Variants in FLT1 observed in about 807,000 individuals in gnomAD.
The protein encoded by FLT1 is fms related receptor tyrosine kinase 1.
Under a neutral mutation model 156.3 loss-of-function variants are expected in FLT1, and 49 were observed. That is an observed-to-expected ratio of 0.31 (90% CI 0.25 to 0.40). The LOEUF (loss-of-function observed/expected upper bound fraction) is 0.40, where lower values mean the gene tolerates loss of function less well. Ranked by LOEUF, FLT1 falls within the 10% of genes least tolerant of loss-of-function variation. FLT1 has a pLI of 1.00. For missense variants in FLT1, 1,322 were observed against 1,637.2 expected (o/e 0.81, Z 3.32); for synonymous variants, 594 against 583.8 (o/e 1.02, Z -0.25).
chr13:28,469,650 CT>C (rs1880040279), intron 1 of FLT1, among the ~76,000 whole-genome samples: 1 of 152,230 alleles, frequency 6.6e-6, no homozygotes, highest in Admixed American at 6.5e-5. Context: ...CCTCCCCCTG[CT>C]TCTGTCAGAA....
At chr13:28,408,546 C>A (rs1211757380) in intron 10 of FLT1, among the ~76,000 whole-genome samples, 1 of 152,122 alleles carries the variant, frequency 6.6e-6, no homozygotes, top group Non-Finnish European at 1.5e-5. Context: ...TGTGCCTAAG[C>A]CTTAAGAATA....
At chr13:28,374,668 T>C (rs567747839) in intron 14 of FLT1, among the ~76,000 whole-genome samples, 1 of 151,806 alleles carries the variant, frequency 6.6e-6, no homozygotes. Context: ...CCCACTACCA[T>C]GCCCAGCTAA....
intron 14 of FLT1, among the ~76,000 whole-genome samples, chr13:28,359,137 A>T (rs778732900): frequency 6.6e-5 from 10 of 152,352 alleles, no homozygotes; most frequent in Non-Finnish European, 1.5e-4. Context: ...AAGAAAATGT[A>T]ATATTATAAA....
chr13:28,328,119 A>T (rs1361302544), intron 19 of FLT1, among the ~76,000 whole-genome samples: 1 of 152,246 alleles, frequency 6.6e-6, no homozygotes, highest in African/African-American at 2.4e-5. Flanking sequence ...CTACTACTCA[A>T]TTCTGCCTTT....
intron 13 of FLT1, chr13:28,388,803 C>G: frequency 2.8e-6 from 3 of 1,059,588 alleles, no homozygotes; most frequent in Non-Finnish European, 3.4e-6. Context: ...GATTGTGGTA[C>G]ACCTTTGAAT....
chr13:28,348,002 G>A (rs892634132), intron 15 of FLT1, among the ~76,000 whole-genome samples: 3 of 152,096 alleles, frequency 2.0e-5, no homozygotes, highest in Non-Finnish European at 2.9e-5. Flanking sequence ...CTTTACAAGC[G>A]CAGATTAATC....
chr13:28,492,450 G>T (rs1881522662), intron 1 of FLT1, among the ~76,000 whole-genome samples: 1 of 152,174 alleles, frequency 6.6e-6, no homozygotes, highest in African/African-American at 2.4e-5. Flanking sequence ...TGAATTATTG[G>T]CATCTTTTTA....
intron 14 of FLT1, among the ~76,000 whole-genome samples, chr13:28,368,969 T>A (rs1240531149): frequency 1.3e-5 from 2 of 151,958 alleles, no homozygotes; most frequent in Admixed American, 6.6e-5. Flanking sequence ...CCTCCCAAAG[T>A]GCTGGGATTA....
intron 13 of FLT1, chr13:28,385,521 T>A: frequency 9.9e-7 from 1 of 1,011,590 alleles, no homozygotes; most frequent in Non-Finnish European, 1.2e-6. Context: ...TAACCTAAGT[T>A]GTAAGGCAGC....
At chr13:28,339,062 G>T in intron 17 of FLT1, 106 bp downstream of exon 17, 1 of 1,007,760 alleles carries the variant, frequency 9.9e-7, no homozygotes, top group Non-Finnish European at 1.5e-6. Context: ...GCAGCTGGAG[G>T]GTAGAATCCC....
rs2138845587 is a variant in FLT1 at position 28,334,054 on chromosome 13, C to T, written c.2564G>A (p.Cys855Tyr). The T allele has an allele frequency of 6.2e-7, 1 of 1,613,218 alleles. No homozygotes were observed. The highest frequency in any genetic ancestry group is 1.3e-5 in the African/African-American group (1 of 75,038). Residue 855 changes from cysteine to tyrosine, a missense_variant, in exon 18 of 30, where the codon TGC (cysteine) becomes TAC (tyrosine). Physicochemically the swap from Cys to Tyr is radical, Grantham distance 194 (BLOSUM62 -2). Coordinates refer to ENST00000282397, the MANE Select transcript of FLT1 (RefSeq NM_002019.4). ...SAFGIKKSPTCRTVAVKMLKE... is the reference protein window; with the variant it reads ...SAFGIKKSPTYRTVAVKMLKE... Reference sequence around the variant, plus strand: ...CAGCATTTTCACAGCCACAGTCCGGCACGTAGGTGATTTCTTAATGCCAAA... The same window carrying T: ...CAGCATTTTCACAGCCACAGTCCGGTACGTAGGTGATTTCTTAATGCCAAA...
chr13:28,430,249 T>A, intron 7 of FLT1, 82 bp from the exon 8 acceptor site: 1 of 925,502 alleles, frequency 1.1e-6, no homozygotes, highest in Non-Finnish European at 1.8e-6. Context: ...AGGGAGGGTG[T>A]AATCAATGAG....
intron 10 of FLT1, among the ~76,000 whole-genome samples, chr13:28,412,065 T>C (rs557629632): frequency 2.0e-5 from 3 of 152,126 alleles, no homozygotes; most frequent in South Asian, 2.1e-4. Context: ...GAAAAGCAAA[T>C]TGAAGCTGTA....
At chr13:28,318,400 G>A (rs1183312049) in intron 24 of FLT1, among the ~76,000 whole-genome samples, 1 of 151,996 alleles carries the variant, frequency 6.6e-6, no homozygotes, top group Non-Finnish European at 1.5e-5. Flanking sequence ...TACTGCCCAG[G>A]ATTCCCCTGC....
rs534280932 is a variant in FLT1 at position 28,353,789 on chromosome 13, G to C, written c.2248+3765C>G. ...CCCTTTGAGAGCTTCATGTGCCCTC[G>C]TGCTGGCACTAGGTCCAAACCAAAC... On this transcript the variant is annotated intron_variant, in intron 15 of 29. Coordinates refer to ENST00000282397, the MANE Select transcript of FLT1 (RefSeq NM_002019.4). Among the ~76,000 whole-genome samples, 127 of 152,156 alleles carry C rather than the reference G, an allele frequency of 8.3e-4. No individual in the cohort carries two copies. The Middle Eastern group carries it at 0.01, about 12-fold the overall frequency.
intron 14 of FLT1, among the ~76,000 whole-genome samples, chr13:28,370,398 A>G (rs1381110336): frequency 6.6e-6 from 1 of 152,180 alleles, no homozygotes; most frequent in African/African-American, 2.4e-5. Flanking sequence ...GCACACCAAC[A>G]TGGCACATGT....
intron 16 of FLT1, among the ~76,000 whole-genome samples, chr13:28,344,388 C>G (rs1333568798): frequency 1.3e-5 from 2 of 152,188 alleles, no homozygotes; most frequent in Non-Finnish European, 2.9e-5. Context: ...GACACTCCTC[C>G]TACACATCTT....
At chr13:28,366,762 C>T (rs532103669) in intron 14 of FLT1, among the ~76,000 whole-genome samples, 62 of 152,320 alleles carry the variant, frequency 4.1e-4, no homozygotes, top group African/African-American at 1.5e-3. Context: ...TGAGCCACCA[C>T]GCCCAGTGGA....
chr13:28,416,416 C>G (rs373768123), intron 10 of FLT1, among the ~76,000 whole-genome samples: 1 of 152,152 alleles, frequency 6.6e-6, no homozygotes, highest in Non-Finnish European at 1.5e-5. Context: ...GTGACACAAC[C>G]AATCCTGGTA....
Sources: allele counts gnomAD v4.1 joint callset (sites outside exome capture counted in the v4.1 genomes callset), GRCh38; gene constraint gnomAD v4.1.1; transcripts MANE v1.5; gene names NCBI Gene and HGNC (gene_info 2026-07-23, HGNC 2026-07-21).